The following ZNF430 variants were observed in gnomAD, a reference collection of about 807,000 sequenced individuals.
ZNF430 encodes zinc finger protein 430.
Under a neutral mutation model 56.7 loss-of-function variants are expected in ZNF430, and 35 were observed. The ratio of observed to expected loss-of-function variants is 0.62; its 90% confidence interval spans 0.47 to 0.82. ZNF430 has a LOEUF of 0.82. ZNF430 is among the 40% of genes least tolerant of loss of function. The probability of loss-of-function intolerance (pLI) is 0.00; values close to 1 mark genes in which losing one functional copy is unlikely to be tolerated. For synonymous variants in ZNF430, 212 were observed against 224.3 expected (o/e 0.94, Z 0.49); for missense variants, 574 against 661.0 (o/e 0.87, Z 1.44).
intron 2 of ZNF430, among the ~76,000 whole-genome samples, chr19:21,029,774 G>A (rs1967867286): frequency 1.3e-5 from 2 of 152,154 alleles, no homozygotes; most frequent in Admixed American, 1.3e-4. Flanking sequence ...AGACCAGCCT[G>A]ACTAACATGG....
Position 21,056,654 on chromosome 19 carries a change from G to T in ZNF430, c.346G>T (p.Asp116Tyr), listed in dbSNP as rs1968383737. ...PPVTYSHFAQ[D>Y]LWPEQGIKDS... ...AGTTACATATTCTCATTTTGCCCAA[G>T]ACCTTTGGCCAGAGCAGGGCATAAA... Residue 116 changes from aspartate to tyrosine, a missense_variant, in exon 5 of 5, where the codon GAC becomes TAC. Transcript: ENST00000261560. 3 of 1,528,460 alleles carry T rather than the reference G, an allele frequency of 2.0e-6. No homozygotes were observed. Among genetic ancestry groups the T allele is most frequent in the Non-Finnish European group, 2.6e-6 (3 of 1,139,318 alleles). The allele number at this position is 1,528,460 out of a possible 1,614,324, so 94.7% of individuals were successfully genotyped here. A position where few individuals can be genotyped will look rare whatever the true frequency, so the allele number is the denominator to read the frequency against.
chr19:21,021,823 A>ATTTTTTTTTTTTTTTTTTTTTTTT (rs71174785), intron 1 of ZNF430, among the ~76,000 whole-genome samples: 4 of 85,708 alleles, frequency 4.7e-5, no homozygotes, highest in African/African-American at 2.1e-4. Context: ...CCTGAGTTAG[A>ATTTTTTTTTTTTTTTTTTTTTTTT]TTTTTTTTTT....
chr19:21,038,483 A>G (rs936667278), intron 4 of ZNF430, among the ~76,000 whole-genome samples: 12 of 152,138 alleles, frequency 7.9e-5, no homozygotes, highest in African/African-American at 2.9e-4. Context: ...GCTGGAGTGC[A>G]GTGGCTCGAT....
chr19:21,028,621 G>C (rs146167321), intron 2 of ZNF430, among the ~76,000 whole-genome samples: 1 of 152,186 alleles, frequency 6.6e-6, no homozygotes, highest in African/African-American at 2.4e-5. Flanking sequence ...TGACAAGAGT[G>C]GTTAATTCTG....
chr19:21,036,805 A>G (rs978039624), intron 4 of ZNF430: 2 of 150,206 alleles, frequency 1.3e-5, no homozygotes, highest in African/African-American at 4.9e-5. Context: ...GTGTCTCCAA[A>G]AAAAAAAAAA....
intron 2 of ZNF430, among the ~76,000 whole-genome samples, chr19:21,031,934 T>C (rs1967909060): frequency 6.6e-6 from 1 of 152,232 alleles, no homozygotes; most frequent in South Asian, 2.1e-4. Flanking sequence ...CTTTACTATA[T>C]ACCAGAGCTT....
intron 4 of ZNF430, among the ~76,000 whole-genome samples, chr19:21,042,413 T>C (rs1838832034): frequency 6.6e-6 from 1 of 152,190 alleles, no homozygotes; most frequent in Admixed American, 6.5e-5. Context: ...TTGAACTAAT[T>C]TACATTCTCA....
At chr19:21,020,886 C>T in intron 1 of ZNF430, 83 bp downstream of exon 1, 1 of 1,576,886 alleles carries the variant, frequency 6.3e-7, no homozygotes. Flanking sequence ...GGACTCAGGC[C>T]TCCCGGCAGT....
At chr19:21,048,237 G>C (rs1968217424) in intron 4 of ZNF430, among the ~76,000 whole-genome samples, 2 of 114,206 alleles carry the variant, frequency 1.8e-5, no homozygotes, top group East Asian at 3.1e-4. Context: ...CGCAGAGGGG[G>C]ATTTGGCAGG....
chr19:21,039,448 T>TATTTATTTATTTATTTA (rs1968063074), intron 4 of ZNF430, among the ~76,000 whole-genome samples: 2 of 2,102 alleles, frequency 9.5e-4, no homozygotes, highest in Non-Finnish European at 2.4e-3. Flanking sequence ...TTACTTTTGC[T>TATTTATTTATTTATTTA]ATTTATTTAT....
chr19:21,022,957 A>G (rs1166893012), intron 2 of ZNF430, 76 bp downstream of exon 2: 1 of 1,079,812 alleles, frequency 9.3e-7, no homozygotes, highest in African/African-American at 1.6e-5. Flanking sequence ...CTGGTCAACC[A>G]ATCAGACTGT....
intron 2 of ZNF430, 88 bp downstream of exon 2, chr19:21,022,969 G>T (rs1967724828): frequency 5.3e-6 from 5 of 945,820 alleles, no homozygotes; most frequent in South Asian, 4.1e-5. Flanking sequence ...TCAGACTGTG[G>T]CATTGAGGGG....
At chr19:21,049,608 G>C (rs1323966242) in intron 4 of ZNF430, 1 of 143,488 alleles carries the variant, frequency 7.0e-6, no homozygotes, top group Non-Finnish European at 1.5e-5. Context: ...ACTATGTCTG[G>C]CCACCATGTA....
chr19:21,038,090 C>T (rs1329190719), intron 4 of ZNF430, among the ~76,000 whole-genome samples: 2 of 152,030 alleles, frequency 1.3e-5, no homozygotes, highest in Non-Finnish European at 2.9e-5. Flanking sequence ...TGTTGTTCCT[C>T]AGGCATTTAG....
chr19:21,035,536 C>T (rs1967983174), intron 4 of ZNF430: 1 of 213,776 alleles, frequency 4.7e-6, no homozygotes, highest in Non-Finnish European at 1.0e-5. Context: ...TATTCTGCCA[C>T]ATACTTCCAG....
chr19:21,052,508 A>AAC (rs924560980), intron 4 of ZNF430, among the ~76,000 whole-genome samples: 28 of 152,006 alleles, frequency 1.8e-4, no homozygotes, highest in South Asian at 4.2e-4. Flanking sequence ...GTAAGATACA[A>AAC]ACACACACAC....
intron 2 of ZNF430, chr19:21,025,837 G>T: frequency 4.4e-6 from 1 of 229,292 alleles, no homozygotes; most frequent in Non-Finnish European, 8.4e-6. Context: ...GTCAGCCATT[G>T]GAACTGGGAA....
chr19:21,038,308 C>T (rs1432307605), intron 4 of ZNF430, among the ~76,000 whole-genome samples: 1 of 151,870 alleles, frequency 6.6e-6, no homozygotes, highest in African/African-American at 2.4e-5. Context: ...CTCTTGGCAG[C>T]TTTGTAGATC....
chr19:21,038,376 T>C (rs868336043), intron 4 of ZNF430, among the ~76,000 whole-genome samples: 47 of 152,286 alleles, frequency 3.1e-4, no homozygotes, highest in African/African-American at 1.1e-3. Context: ...CTTTCATCTG[T>C]TCATCTGCCT....
Sources: gnomAD v4.1 joint callset for allele counts (sites outside exome capture counted in the v4.1 genomes callset) on GRCh38, gnomAD v4.1.1 for gene constraint, MANE v1.5 for transcripts, NCBI Gene and HGNC (gene_info 2026-07-23, HGNC 2026-07-21) for gene names.